SASH1: variants seen among roughly 807,000 people sequenced by gnomAD.
The protein encoded by SASH1 is SAM and SH3 domain containing 1.
SASH1 carries 44 observed loss-of-function variants against 125.2 expected under a neutral mutation model. The observed-to-expected ratio is 0.35, with a 90% CI of 0.28 to 0.45. SASH1 has a LOEUF of 0.45. Ranked by LOEUF, SASH1 falls within the 20% of genes least tolerant of loss-of-function variation. The pLI is 1.00. For missense variants in SASH1, 1,426 were observed against 1,614.5 expected, an observed-to-expected ratio of 0.88 and a Z score of 2.00; for synonymous variants, 639 against 649.1, an observed-to-expected ratio of 0.98 and a Z score of 0.24.
At chr6:148,451,665 C>T (rs567863598) in intron 4 of SASH1, among the ~76,000 whole-genome samples, 11 of 152,214 alleles carry the variant, frequency 7.2e-5, no homozygotes, top group South Asian at 2.1e-4. Flanking sequence ...AAACAACAGA[C>T]GACATAATAC....
intron 8 of SASH1, among the ~76,000 whole-genome samples, chr6:148,501,682 A>G (rs186376308): frequency 6.6e-6 from 1 of 152,286 alleles, no homozygotes; most frequent in East Asian, 1.9e-4. Context: ...AATGTCTTCC[A>G]AAGATTTACA....
chr6:148,231,006 C>G, the SASH1 span, among the ~76,000 whole-genome samples: 1 of 151,906 alleles, frequency 6.6e-6, no homozygotes, highest in Admixed American at 6.6e-5. Flanking sequence ...CCTATTTTTT[C>G]TTTTGTTGCT....
the SASH1 span, among the ~76,000 whole-genome samples, chr6:148,240,828 G>C: frequency 6.6e-6 from 1 of 152,294 alleles, no homozygotes; most frequent in African/African-American, 2.4e-5. Context: ...ATTCTTTAAA[G>C]AAAGAGAAAA....
chr6:148,515,606 C>T (rs934544647), intron 9 of SASH1, among the ~76,000 whole-genome samples: 18 of 151,966 alleles, frequency 1.2e-4, no homozygotes, highest in African/African-American at 2.9e-4. Flanking sequence ...TTTTCAGTTC[C>T]GGGGTTTCAT....
At chr6:148,320,640 A>G (rs1052640286) in intron 1 of SASH1, among the ~76,000 whole-genome samples, 1 of 152,156 alleles carries the variant, frequency 6.6e-6, no homozygotes, top group Non-Finnish European at 1.5e-5. Context: ...CAAGGTGGAA[A>G]GTGTTTGACC....
intron 8 of SASH1, chr6:148,512,896 G>A (rs1690929025): frequency 2.0e-5 from 20 of 985,272 alleles, no homozygotes; most frequent in Non-Finnish European, 2.4e-5. Flanking sequence ...GTGGGTAAAC[G>A]GTTTGCTGAT....
intron 1 of SASH1, among the ~76,000 whole-genome samples, chr6:148,377,382 T>C (rs974679418): frequency 2.0e-5 from 3 of 152,126 alleles, no homozygotes; most frequent in Non-Finnish European, 4.4e-5. Context: ...AAAATCTTAG[T>C]TGCTTTTTTT....
intron 17 of SASH1, among the ~76,000 whole-genome samples, chr6:148,542,588 C>T (rs955243801): frequency 6.6e-6 from 1 of 152,102 alleles, no homozygotes; most frequent in Non-Finnish European, 1.5e-5. Context: ...GGGGTTTCAC[C>T]GTGTTAGCCA....
At chr6:148,485,467 A>G (rs1329724008) in intron 7 of SASH1, among the ~76,000 whole-genome samples, 1 of 152,226 alleles carries the variant, frequency 6.6e-6, no homozygotes, top group African/African-American at 2.4e-5. Flanking sequence ...TAATAATAAT[A>G]GTATTATACT....
chr6:148,547,305 G>A (rs995826786), intron 19 of SASH1, among the ~76,000 whole-genome samples: 5 of 152,184 alleles, frequency 3.3e-5, no homozygotes, highest in East Asian at 1.9e-4. Flanking sequence ...GGCTGGTGGT[G>A]TAGGCAGCGT....
At chr6:148,207,695 T>C in the SASH1 span, among the ~76,000 whole-genome samples, 2 of 152,212 alleles carry the variant, frequency 1.3e-5, no homozygotes, top group Non-Finnish European at 2.9e-5. Context: ...TTTTCAGTTA[T>C]GCAAGAATAC....
chr6:148,420,295 T>G (rs1314760035), intron 2 of SASH1, among the ~76,000 whole-genome samples: 1 of 152,176 alleles, frequency 6.6e-6, no homozygotes, highest in Non-Finnish European at 1.5e-5. Flanking sequence ...AGCAGAAACA[T>G]TTTTGTTCTG....
At chr6:148,219,772 G>A in the SASH1 span, among the ~76,000 whole-genome samples, 2 of 152,202 alleles carry the variant, frequency 1.3e-5, no homozygotes, top group African/African-American at 4.8e-5. Flanking sequence ...GACCTGTGCA[G>A]GTGATGGGGA....
chr6:148,532,218 A>C lies in SASH1; in HGVS notation c.1564+557A>C, dbSNP rs551126644. Among the ~76,000 whole-genome samples the C allele has an allele frequency of 6.6e-6, 1 of 152,128 alleles. No homozygotes were observed. The highest frequency in any genetic ancestry group is 2.1e-4 in the South Asian group (1 of 4,806). On this transcript the variant is annotated intron_variant, in intron 13 of 19. Transcript: ENST00000367467. This position sits in a 1 kb window ranked among gnomAD's most constrained non-coding sequence, Gnocchi z 4.7. ...TCAGCCTTCCGCATAGCTGTACTAC[A>C]GGGTCATGCCACCACACCCGGCTAA... is the stretch of plus-strand genomic sequence containing the variant.
In SASH1 at chr6:148,452,170, T is replaced by C. The variant is rs1442889744; in HGVS notation, c.386+11763T>C. Among the ~76,000 whole-genome samples the C allele has an allele frequency of 2.6e-5, 4 of 152,148 alleles. No individual in the cohort carries two copies. In the East Asian group the frequency reaches 7.7e-4, roughly 29 times the overall value. On this transcript the variant is annotated intron_variant, in intron 4 of 19. Transcript: ENST00000367467. ...ACTAGGGTGGGAAGCATAGGCAAAA[T>C]GGCAAACTTAATTTTCAGAAAATAA... is the stretch of plus-strand genomic sequence containing the variant.
chr6:148,488,094 G>A (rs185391982), intron 8 of SASH1, among the ~76,000 whole-genome samples: 4 of 152,052 alleles, frequency 2.6e-5, no homozygotes, highest in South Asian at 4.2e-4. Flanking sequence ...ATTTCAAACC[G>A]AAACTCTGTT....
At chr6:148,330,873 A>C (rs930290758) in intron 1 of SASH1, among the ~76,000 whole-genome samples, 1 of 152,200 alleles carries the variant, frequency 6.6e-6, no homozygotes, top group Non-Finnish European at 1.5e-5. Flanking sequence ...GGTGTGAGCT[A>C]CCGTGCCTGG....
At chr6:148,506,764 G>A (rs894987325) in intron 8 of SASH1, among the ~76,000 whole-genome samples, 16 of 152,088 alleles carry the variant, frequency 1.1e-4, no homozygotes, top group Non-Finnish European at 1.5e-5. Context: ...CTGTAACGAA[G>A]GAATTTGGTG....
chr6:148,431,075 G>T (rs1043003190), intron 2 of SASH1, among the ~76,000 whole-genome samples: 24 of 152,228 alleles, frequency 1.6e-4, no homozygotes, highest in Non-Finnish European at 4.4e-5. Flanking sequence ...GGTAGCCCAG[G>T]TAGCTGTGAG....
Sources: gnomAD v4.1 joint callset for allele counts (sites outside exome capture counted in the v4.1 genomes callset) on GRCh38, gnomAD v4.1.1 for gene constraint, Gnocchi (gnomAD v3.1) non-coding constraint, MANE v1.5 for transcripts, NCBI Gene and HGNC (gene_info 2026-07-23, HGNC 2026-07-21) for gene names.